The following GRID1 variants were observed in gnomAD, a reference collection of about 807,000 sequenced individuals.
GRID1 encodes the protein glutamate ionotropic receptor delta type subunit 1, also known as glutamate receptor ionotropic, delta-1.
Under a neutral mutation model 98.0 loss-of-function variants are expected in GRID1, and 28 were observed. The ratio of observed to expected loss-of-function variants is 0.29; its 90% confidence interval spans 0.21 to 0.39. GRID1 has a LOEUF of 0.39. GRID1 is among the 10% of genes least tolerant of loss of function. The probability of loss-of-function intolerance (pLI) is 1.00; values close to 1 mark genes in which losing one functional copy is unlikely to be tolerated. For missense variants in GRID1, 1,111 were observed against 1,340.5 expected (o/e 0.83, Z 2.67); for synonymous variants, 553 against 538.5 (o/e 1.03, Z -0.37).
chr10:85,690,916 T>C (rs1841324346), intron 12 of GRID1, among the ~76,000 whole-genome samples: 1 of 152,050 alleles, frequency 6.6e-6, no homozygotes, highest in South Asian at 2.1e-4. Flanking sequence ...CTTGGAATAG[T>C]TTTCTAATTG....
At chr10:86,226,724 C>T (rs902089395) in intron 2 of GRID1, among the ~76,000 whole-genome samples, 10 of 147,988 alleles carry the variant, frequency 6.8e-5, no homozygotes, top group Admixed American at 1.4e-4. Flanking sequence ...TGCCCCAAGT[C>T]CCAGCCCGGC....
chr10:86,360,273 A>G (rs1336693752), intron 2 of GRID1, among the ~76,000 whole-genome samples: 1 of 152,244 alleles, frequency 6.6e-6, no homozygotes, highest in Admixed American at 6.5e-5. Flanking sequence ...GTTAAATAGG[A>G]AAAAATAACA....
chr10:86,113,600 C>T (rs1304327313), intron 4 of GRID1, among the ~76,000 whole-genome samples: 3 of 152,198 alleles, frequency 2.0e-5, no homozygotes, highest in African/African-American at 7.2e-5. Flanking sequence ...CCCTCTCTCA[C>T]ATAAAATGCA....
At chr10:86,281,268 C>T (rs1039257978) in intron 2 of GRID1, among the ~76,000 whole-genome samples, 2 of 152,178 alleles carry the variant, frequency 1.3e-5, no homozygotes, top group Admixed American at 1.3e-4. Flanking sequence ...GAGGGAAAGG[C>T]ATCTTTCATT....
At chr10:85,733,600 G>C (rs1394900033) in intron 8 of GRID1, among the ~76,000 whole-genome samples, 1 of 152,188 alleles carries the variant, frequency 6.6e-6, no homozygotes, top group Non-Finnish European at 1.5e-5. Context: ...AATGTGTTGA[G>C]ATTACAGGCG....
chr10:86,229,381 A>G (rs1846412199), intron 2 of GRID1, among the ~76,000 whole-genome samples: 1 of 152,166 alleles, frequency 6.6e-6, no homozygotes. Context: ...CAGGCTGCCA[A>G]GGTTAAAGCC....
At chr10:85,695,271 GC>G (rs954279449) in intron 12 of GRID1, among the ~76,000 whole-genome samples, 9 of 152,154 alleles carry the variant, frequency 5.9e-5, no homozygotes, top group Non-Finnish European at 1.2e-4. Context: ...TGGACTCAAT[GC>G]CCTTGATGTT....
rs1847861769 is a variant in GRID1, at chr10:86,313,712, G to A, written c.235+50229C>T. On this transcript the variant is annotated intron_variant, in intron 2 of 15. Coordinates refer to ENST00000327946, the MANE Select transcript of GRID1 (RefSeq NM_017551.3). The stretch of plus-strand genomic sequence containing the variant: ...GTCAAAGCCCAGGAAATTCGTGGGA[G>A]AGGAACAGCCTTCTCCCCAGCTGAG... 3.9e-5 allele frequency among the ~76,000 whole-genome samples: 6 copies of A among 152,332 alleles called. No homozygotes were observed. The South Asian group carries it at 1.2e-3, about 32-fold the overall frequency.
chr10:85,959,845 C>T (rs1200775863), intron 4 of GRID1, among the ~76,000 whole-genome samples: 9 of 151,978 alleles, frequency 5.9e-5, no homozygotes, highest in Non-Finnish European at 1.3e-4. Flanking sequence ...ACATTCATGT[C>T]CAAGTCATTG....
chr10:86,072,096 C>T (rs1288436726), intron 4 of GRID1, among the ~76,000 whole-genome samples: 1 of 152,094 alleles, frequency 6.6e-6, no homozygotes, highest in Non-Finnish European at 1.5e-5. Context: ...CTCTAAGGGC[C>T]TTCTGGGAGC....
intron 13 of GRID1, among the ~76,000 whole-genome samples, chr10:85,624,538 C>A (rs1280806895): frequency 6.6e-6 from 1 of 152,234 alleles, no homozygotes; most frequent in East Asian, 1.9e-4. Flanking sequence ...CTCCAGCCCC[C>A]ACGTTTCTTC....
At chr10:85,726,454 G>C (rs192813602) in intron 10 of GRID1, among the ~76,000 whole-genome samples, 61 of 152,162 alleles carry the variant, frequency 4.0e-4, no homozygotes, top group Middle Eastern at 3.4e-3. Context: ...ATTTAGTGTA[G>C]CAACCTGGAT....
At chr10:86,134,320 G>A (rs1844882262) in intron 4 of GRID1, among the ~76,000 whole-genome samples, 1 of 152,234 alleles carries the variant, frequency 6.6e-6, no homozygotes, top group South Asian at 2.1e-4. Flanking sequence ...TGCTGGGTGA[G>A]TAAGTGATTG....
intron 8 of GRID1, among the ~76,000 whole-genome samples, chr10:85,831,762 G>A (rs1842869166): frequency 6.6e-6 from 1 of 151,758 alleles, no homozygotes; most frequent in African/African-American, 2.4e-5. Flanking sequence ...TGTTTGAGCT[G>A]GATAACATTG....
chr10:86,073,001 A>G (rs570899574), intron 4 of GRID1, among the ~76,000 whole-genome samples: 2 of 152,354 alleles, frequency 1.3e-5, no homozygotes, highest in African/African-American at 4.8e-5. Flanking sequence ...TCTCATCCAG[A>G]TGTGTGGCTT....
At chr10:85,731,424 C>T (rs958313836) in intron 8 of GRID1, among the ~76,000 whole-genome samples, 3 of 150,364 alleles carry the variant, frequency 2.0e-5, no homozygotes, top group Non-Finnish European at 2.9e-5. Flanking sequence ...TTAAAGACCT[C>T]GAAGATACCA....
At chr10:85,878,510 C>T (rs1223607564) in intron 5 of GRID1, among the ~76,000 whole-genome samples, 4 of 152,132 alleles carry the variant, frequency 2.6e-5, no homozygotes, top group African/African-American at 9.7e-5. Flanking sequence ...ATTTCATATC[C>T]AGCCAAACTA....
chr10:86,230,798 C>G (rs770894215), intron 2 of GRID1, among the ~76,000 whole-genome samples: 3 of 152,176 alleles, frequency 2.0e-5, no homozygotes, highest in Non-Finnish European at 2.9e-5. Context: ...GCTGTCTCCC[C>G]CTCTGGTCTG....
chr10:86,156,082 C>T (rs1019845279), intron 3 of GRID1, among the ~76,000 whole-genome samples: 2 of 152,198 alleles, frequency 1.3e-5, no homozygotes, highest in South Asian at 2.1e-4. Context: ...CTGCAAAATT[C>T]GGAACTCCAT....
Sources: allele counts gnomAD v4.1 joint callset (sites outside exome capture counted in the v4.1 genomes callset), GRCh38; gene constraint gnomAD v4.1.1; transcripts MANE v1.5; gene names NCBI Gene and HGNC (gene_info 2026-07-23, HGNC 2026-07-21).